The following SCHIP1 variants were observed in gnomAD, a reference collection of about 807,000 sequenced individuals.
SCHIP1 encodes schwannomin-interacting protein 1.
SCHIP1 carries 8 observed loss-of-function variants against 29.7 expected under a neutral mutation model. The observed-to-expected ratio is 0.27, with a 90% CI of 0.16 to 0.49. SCHIP1 has a LOEUF of 0.49. Ranked by LOEUF, SCHIP1 falls within the 20% of genes least tolerant of loss-of-function variation. The pLI is 0.99. For synonymous variants in SCHIP1, 76 were observed against 94.9 expected (o/e 0.80, Z 1.16); for missense variants, 193 against 294.6 (o/e 0.66, Z 2.52).
chr3:159,521,610 C>A, the SCHIP1 span, among the ~76,000 whole-genome samples: 3 of 152,112 alleles, frequency 2.0e-5, no homozygotes, highest in Non-Finnish European at 2.9e-5. Context: ...CATTTGAGTT[C>A]GACAGTTTGA....
chr3:159,800,162 T>A, the SCHIP1 span, among the ~76,000 whole-genome samples: 2 of 152,188 alleles, frequency 1.3e-5, no homozygotes, highest in Non-Finnish European at 2.9e-5. Flanking sequence ...ACATTCAACA[T>A]AAAACACAGA....
At chr3:159,443,916 T>G in the SCHIP1 span, among the ~76,000 whole-genome samples, 1 of 152,244 alleles carries the variant, frequency 6.6e-6, no homozygotes, top group East Asian at 1.9e-4. Context: ...TATCTATGAA[T>G]TAGGTTCACC....
chr3:159,722,438 G>A, the SCHIP1 span: 2 of 152,194 alleles, frequency 1.3e-5, no homozygotes, highest in African/African-American at 2.4e-5. Flanking sequence ...AAGTATTCAG[G>A]TCAACAAGAC....
chr3:159,617,841 GTTCAT>G, the SCHIP1 span, among the ~76,000 whole-genome samples: 1 of 152,084 alleles, frequency 6.6e-6, no homozygotes, highest in Non-Finnish European at 1.5e-5. Flanking sequence ...TCTACTTTCA[GTTCAT>G]TTCAATGAAC....
chr3:159,541,367 G>A, the SCHIP1 span, among the ~76,000 whole-genome samples: 1 of 152,090 alleles, frequency 6.6e-6, no homozygotes, highest in Non-Finnish European at 1.5e-5. Context: ...TAAAAAGGGA[G>A]CTTTTTATGG....
At chr3:159,688,905 T>G in the SCHIP1 span, among the ~76,000 whole-genome samples, 1 of 152,180 alleles carries the variant, frequency 6.6e-6, no homozygotes, top group African/African-American at 2.4e-5. Flanking sequence ...ATCAGATAGT[T>G]GTAGATGTGT....
chr3:159,570,552 G>C, the SCHIP1 span, among the ~76,000 whole-genome samples: 1 of 152,164 alleles, frequency 6.6e-6, no homozygotes, highest in African/African-American at 2.4e-5. Context: ...CTGTAGCCTT[G>C]TAGTATAGTT....
the SCHIP1 span, among the ~76,000 whole-genome samples, chr3:159,686,020 T>C: frequency 6.6e-6 from 1 of 152,300 alleles, no homozygotes; most frequent in East Asian, 1.9e-4. Context: ...ATGGCTACAA[T>C]GGATTCCTGG....
chr3:159,786,813 G>T, the SCHIP1 span, among the ~76,000 whole-genome samples: 1 of 152,034 alleles, frequency 6.6e-6, no homozygotes, highest in Non-Finnish European at 1.5e-5. Flanking sequence ...GCCACAGCAC[G>T]TAGAATCCTT....
At chr3:159,724,859 A>T in the SCHIP1 span, among the ~76,000 whole-genome samples, 2 of 152,262 alleles carry the variant, frequency 1.3e-5, no homozygotes, top group South Asian at 4.1e-4. Context: ...ACTCAATGGG[A>T]ATTCAGTGAC....
At chr3:159,820,824 A>G in the SCHIP1 span, among the ~76,000 whole-genome samples, 1 of 152,232 alleles carries the variant, frequency 6.6e-6, no homozygotes, top group Non-Finnish European at 1.5e-5. Context: ...TTACCCAGAA[A>G]GTGAGTTTAG....
the SCHIP1 span, among the ~76,000 whole-genome samples, chr3:159,606,687 G>A: frequency 6.6e-5 from 10 of 152,284 alleles, no homozygotes; most frequent in African/African-American, 1.7e-4. Context: ...GAGGAAGCAG[G>A]CTAGCCAGGA....
At chr3:159,548,326 G>A in the SCHIP1 span, among the ~76,000 whole-genome samples, 1 of 151,812 alleles carries the variant, frequency 6.6e-6, no homozygotes, top group African/African-American at 2.4e-5. Flanking sequence ...TTCTTCTTGA[G>A]TTAGTTTTGG....
At chr3:159,704,400 G>A in the SCHIP1 span, among the ~76,000 whole-genome samples, 20 of 123,950 alleles carry the variant, frequency 1.6e-4, no homozygotes, top group Non-Finnish European at 2.5e-4. Flanking sequence ...GTGCCATTGC[G>A]CTCCAGCAAT....
the SCHIP1 span, among the ~76,000 whole-genome samples, chr3:159,555,318 G>T: frequency 1.2e-4 from 18 of 152,118 alleles, no homozygotes; most frequent in Non-Finnish European, 2.4e-4. Flanking sequence ...AATTTTGTTT[G>T]CTCATTTCCT....
the SCHIP1 span, among the ~76,000 whole-genome samples, chr3:159,706,436 A>C: frequency 6.6e-6 from 1 of 152,192 alleles, no homozygotes. Context: ...ATGTATTTTA[A>C]ATGGAAGTTG....
chr3:159,552,591 A>C, the SCHIP1 span, among the ~76,000 whole-genome samples: 2 of 152,258 alleles, frequency 1.3e-5, no homozygotes, highest in South Asian at 4.1e-4. Flanking sequence ...AACATTCTTT[A>C]CATATAGCCA....
At chr3:159,345,608 C>T in the SCHIP1 span, among the ~76,000 whole-genome samples, 15 of 151,858 alleles carry the variant, frequency 9.9e-5, no homozygotes, top group Non-Finnish European at 1.9e-4. Flanking sequence ...CACCCTCATG[C>T]TCATTTGTGA....
At chr3:159,723,686 A>C in the SCHIP1 span, among the ~76,000 whole-genome samples, 9 of 152,250 alleles carry the variant, frequency 5.9e-5, no homozygotes, top group Non-Finnish European at 7.3e-5. Context: ...AACCCTGTAC[A>C]TCATAAGACA....
Sources: gnomAD v4.1 joint callset for allele counts (sites outside exome capture counted in the v4.1 genomes callset) on GRCh38, gnomAD v4.1.1 for gene constraint, MANE v1.5 for transcripts, NCBI Gene and HGNC (gene_info 2026-07-23, HGNC 2026-07-21) for gene names.